CRELD1: variants seen among roughly 807,000 people sequenced by gnomAD.
CRELD1 encodes CRELD disulfide isomerase 1.
In CRELD1, 42 loss-of-function variants were observed where a neutral mutation model predicts 58.2. The ratio of observed to expected loss-of-function variants is 0.72; its 90% CI spans 0.56 to 0.93. CRELD1 has a LOEUF of 0.93. CRELD1 is among the 40% of genes least tolerant of loss of function. CRELD1 has a pLI of 0.00. For missense variants in CRELD1, 500 were observed against 540.6 expected (o/e 0.92, Z 0.74); for synonymous variants, 222 against 202.0 (o/e 1.10, Z -0.84).
In CRELD1 at chr3:9,941,096, C is replaced by T. The variant is rs2124850150; in HGVS notation, c.638-15C>T. The T allele has an allele frequency of 6.2e-7, 1 of 1,614,162 alleles. No homozygotes were observed. The highest frequency in any genetic ancestry group is 1.1e-5 in the South Asian group (1 of 91,086). On this transcript the variant is annotated splice_polypyrimidine_tract_variant and intron_variant, in intron 6 of 10. Transcript: ENST00000452070. ...ACCTGCCTGCCCATCCTCATGCTGC[C>T]CCCATTCCACCCAGCTTGTTTTGGC...
At position 9,934,470 on chromosome 3, in the gene CRELD1, C is replaced by T. The variant is rs2085105544; in HGVS notation, c.32C>T (p.Pro11Leu). ...CCATGGCCCCCGAAGGGCCTAGTCCCAGCTATGCTCTGGGGCCTCAGCCTC... is the reference window on the plus strand; with the variant it reads ...CCATGGCCCCCGAAGGGCCTAGTCCTAGCTATGCTCTGGGGCCTCAGCCTC... MAPWPPKGLVPAMLWGLSLFL... is the reference protein window; with the variant it reads MAPWPPKGLVLAMLWGLSLFL... The change falls in exon 2 of 11, where the codon CCA (proline) becomes CTA (leucine). Residue 11 changes from proline (P) to leucine (L), a missense_variant. Transcript: ENST00000452070. 6.2e-7 allele frequency: 1 copy of T among 1,614,022 alleles called. No homozygotes were observed. Among genetic ancestry groups the T allele is most frequent in the Non-Finnish European group, 8.5e-7 (1 of 1,179,970 alleles).
rs531699612 is a variant in CRELD1, at chr3:9,945,297, C to T, written c.*718C>T. On this transcript the variant is annotated 3_prime_UTR_variant, in exon 11 of 11. Transcript: ENST00000452070. ...CCTCAAATGGGCTTCATAATGCTTT[C>T]CACTCAGGCTTAACATGAGAATTAA... is the stretch of plus-strand genomic sequence containing the variant. The T allele has an allele frequency of 6.4e-6, 1 of 155,650 alleles. No individual in the cohort carries two copies. The highest frequency in any genetic ancestry group is 2.0e-4 in the South Asian group (1 of 5,126). 9.6% of individuals were successfully genotyped at this position (155,650 alleles called of 1,614,324 possible).
chr3:9,939,777 C>T lies in CRELD1; in HGVS notation c.461-1073C>T, dbSNP rs888381163. The stretch of plus-strand genomic sequence containing the variant: ...ACCATCCGATTTCTCAGTGTTTTCC[C>T]CACCTTTCCCCCTTTTCTATTCCAC... On this transcript the variant is annotated intron_variant, in intron 5 of 10. Transcript: ENST00000452070. Among the ~76,000 whole-genome samples the T allele has an allele frequency of 2.8e-4, 42 of 152,142 alleles. 2 individuals carry two copies. Among genetic ancestry groups the T allele is most frequent in the African/African-American group, 1.0e-3 (42 of 41,556 alleles).
intron 3 of CRELD1, chr3:9,935,152 A>G: frequency 2.0e-6 from 1 of 503,406 alleles, no homozygotes; most frequent in Non-Finnish European, 3.6e-6. Context: ...GATGAAGAAC[A>G]AACAGTGAAG....
chr3:9,938,170 C>T, intron 5 of CRELD1, 64 bp downstream of exon 5: 1 of 1,264,516 alleles, frequency 7.9e-7, no homozygotes, highest in Non-Finnish European at 1.1e-6. Flanking sequence ...CCAGTCCTGG[C>T]TCTGTCCCTA....
At chr3:9,936,563 A>C (rs866943163) in intron 3 of CRELD1, among the ~76,000 whole-genome samples, 2 of 138,950 alleles carry the variant, frequency 1.4e-5, no homozygotes, top group East Asian at 4.0e-4. Flanking sequence ...ATATATATAT[A>C]TATATGTATA....
intron 10 of CRELD1, chr3:9,943,864 C>A: frequency 6.2e-7 from 1 of 1,613,800 alleles, no homozygotes; most frequent in South Asian, 1.1e-5. Context: ...TGGCAGGGAC[C>A]ATTTCCCCAG....
intron 1 of CRELD1, 155 bp downstream of exon 1, chr3:9,934,075 C>T (rs2085085566): frequency 1.1e-5 from 4 of 359,034 alleles, no homozygotes; most frequent in East Asian, 6.7e-5. Context: ...GGCCTCCTCT[C>T]CTTCAGTACT....
intron 5 of CRELD1, chr3:9,938,360 A>G (rs2124833999): frequency 2.0e-6 from 1 of 491,846 alleles, no homozygotes; most frequent in East Asian, 3.9e-5. Context: ...TAGACTTCCC[A>G]GCCCCTTCAT....
chr3:9,934,098 T>C (rs1212029306), intron 1 of CRELD1, 178 bp downstream of exon 1: 7 of 388,574 alleles, frequency 1.8e-5, no homozygotes, highest in Non-Finnish European at 2.9e-5. Context: ...GAATCTGATC[T>C]CTTCTCCCTA....
intron 5 of CRELD1, 183 bp downstream of exon 5, chr3:9,938,289 A>C (rs1448427351): frequency 1.6e-6 from 1 of 637,952 alleles, no homozygotes; most frequent in African/African-American, 1.8e-5. Flanking sequence ...GGCTTGGAGA[A>C]AGCACAGGGG....
chr3:9,938,045 G>T lies in CRELD1; in HGVS notation c.399G>T (p.Trp133Cys), dbSNP rs774523002. 2.2e-5 allele frequency: 36 copies of T among 1,613,846 alleles called. No individual in the cohort carries two copies. The highest frequency in any genetic ancestry group is 2.9e-5 in the Non-Finnish European group (34 of 1,180,022). ...KQQEAPDLFQ[W>C]LCSDSLKLCC... Reference sequence around the variant, plus strand: ...AGGAGGCCCCGGACCTCTTCCAGTGGCTGTGCTCAGATTCCCTGAAGCTCT... The same window carrying T: ...AGGAGGCCCCGGACCTCTTCCAGTGTCTGTGCTCAGATTCCCTGAAGCTCT... The change falls in exon 5 of 11, where the codon TGG (tryptophan) becomes TGT (cysteine). Residue 133 changes from tryptophan (W) to cysteine (C), a missense_variant. By Grantham distance (215) the Trp-to-Cys change is radical. Transcript: ENST00000452070.
chr3:9,937,839 T>C (rs1206846096), intron 4 of CRELD1, among the ~76,000 whole-genome samples, 167 bp downstream of exon 4: 1 of 152,218 alleles, frequency 6.6e-6, no homozygotes, highest in East Asian at 1.9e-4. Context: ...CGCTCCACTT[T>C]GAGCCTCAGT....
intron 7 of CRELD1, 55 bp downstream of exon 7, chr3:9,941,261 C>G: frequency 6.7e-7 from 1 of 1,482,488 alleles, no homozygotes; most frequent in Non-Finnish European, 9.3e-7. Flanking sequence ...GGGCTTGGTC[C>G]TTTATTCTCT....
intron 2 of CRELD1, 38 bp from the exon 3 acceptor site, chr3:9,934,797 G>T: frequency 6.3e-7 from 1 of 1,578,710 alleles, no homozygotes; most frequent in East Asian, 2.3e-5. Flanking sequence ...GCATGTGCCA[G>T]GCACTGTACT....
Position 9,943,466 on chromosome 3 carries a change from C to G in CRELD1, c.999C>G (p.Ala333=), listed in dbSNP as rs769234290. 1.2e-6 allele frequency: 2 copies of G among 1,613,950 alleles called. No homozygotes were observed. Among genetic ancestry groups the G allele is most frequent in the East Asian group, 2.2e-5 (1 of 44,824 alleles). ...NTEGGYRCIC[A]EGYKQMEGIC... Reference sequence around the variant, plus strand: ...AGGGCGGTTATCGCTGCATCTGTGCCGAGGGCTACAAGCAGATGGAAGGCA... The same window carrying G: ...AGGGCGGTTATCGCTGCATCTGTGCGGAGGGCTACAAGCAGATGGAAGGCA... The change falls in exon 10 of 11, where the codon GCC becomes GCG. Residue 333 remains alanine, a synonymous_variant. Coordinates refer to ENST00000452070, the MANE Select transcript of CRELD1 (RefSeq NM_001077415.3).
Position 9,937,644 on chromosome 3 carries a change from G to T in CRELD1, c.340G>T (p.Glu114Ter). ...ECHRLLELSE[E>*]LVESWWFHKQ... Reference sequence around the variant, plus strand: ...CCACCGCCTGCTGGAGCTGAGTGAGGAGCTGGTGGAGAGCTGGTGGTTTCA... The same window carrying T: ...CCACCGCCTGCTGGAGCTGAGTGAGTAGCTGGTGGAGAGCTGGTGGTTTCA... Residue 114 changes from glutamate (E) to a stop codon, truncating the protein, a stop_gained, in exon 4 of 11, where the codon GAG becomes TAG. Transcript: ENST00000452070. LOFTEE classifies it high-confidence loss of function. 2 of 1,610,138 alleles carry T rather than the reference G, an allele frequency of 1.2e-6. No homozygotes were observed. Among genetic ancestry groups the T allele is most frequent in the Non-Finnish European group, 1.7e-6 (2 of 1,178,810 alleles).
At chr3:9,935,122 A>T in intron 3 of CRELD1, 1 of 565,132 alleles carries the variant, frequency 1.8e-6, no homozygotes, top group Non-Finnish European at 3.2e-6. Context: ...GTGAATGAGT[A>T]AGTGAATAAT....
intron 9 of CRELD1, 63 bp downstream of exon 9, chr3:9,943,235 G>A: frequency 6.3e-7 from 1 of 1,591,402 alleles, no homozygotes; most frequent in Non-Finnish European, 8.6e-7. Context: ...GAATGGTGAA[G>A]AGGCTGGAAT....
Sources: gnomAD v4.1 joint callset for allele counts (sites outside exome capture counted in the v4.1 genomes callset) on GRCh38, gnomAD v4.1.1 for gene constraint, MANE v1.5 for transcripts, NCBI Gene and HGNC (gene_info 2026-07-23, HGNC 2026-07-21) for gene names.